MAP4: variants seen among roughly 807,000 people sequenced by gnomAD.
MAP4 encodes microtubule-associated protein 4.
A neutral mutation model predicts 170.2 loss-of-function variants in MAP4; 76 were observed. The ratio of observed to expected loss-of-function variants is 0.45; its 90% CI spans 0.37 to 0.54. The LOEUF (loss-of-function observed/expected upper bound fraction) is 0.54, where lower values mean the gene tolerates loss of function less well. Among genes scored for constraint, MAP4 ranks in the 20% least tolerant of loss-of-function variants. The probability of loss-of-function intolerance (pLI) is 0.00; values close to 1 mark genes in which losing one functional copy is unlikely to be tolerated. For missense variants in MAP4, 2,506 were observed against 2,748.0 expected, an observed-to-expected ratio of 0.91 and a Z score of 1.97; for synonymous variants, 909 against 994.5, an observed-to-expected ratio of 0.91 and a Z score of 1.62.
At chr3:47,959,784 C>T (rs1043625292) in intron 3 of MAP4, among the ~76,000 whole-genome samples, 2 of 150,332 alleles carry the variant, frequency 1.3e-5, no homozygotes, top group South Asian at 2.1e-4. Context: ...AATGTATATA[C>T]ATGAAGAACA....
At chr3:47,938,604 G>A (rs975496369) in intron 3 of MAP4, among the ~76,000 whole-genome samples, 6 of 152,038 alleles carry the variant, frequency 3.9e-5, no homozygotes, top group African/African-American at 1.4e-4. Context: ...GGCTGGCGTT[G>A]AACAACTGGG....
At chr3:47,853,007 G>A (rs1297244359) in intron 20 of MAP4, 69 bp from the exon 21 acceptor site, 9 of 1,614,208 alleles carry the variant, frequency 5.6e-6, no homozygotes, top group South Asian at 1.1e-5. Context: ...CGGGGGAGAC[G>A]GAAGACGAGA....
rs2149450735 is a variant in MAP4 at position 47,852,858 on chromosome 3, T to G, written c.*76A>C. On this transcript the variant is annotated 3_prime_UTR_variant, in exon 21 of 21. Coordinates refer to ENST00000683076, the MANE Select transcript of MAP4 (RefSeq NM_001385682.1). ...CCGAGTTGGGGCCGCCAGGGAAGTG[T>G]GGGGGGCGGGAGACAATGTCGGCCC... The G allele has an allele frequency of 1.3e-6, 2 of 1,564,682 alleles. No individual in the cohort carries two copies. Among genetic ancestry groups the G allele is most frequent in the Non-Finnish European group, 1.7e-6 (2 of 1,154,726 alleles).
intron 1 of MAP4, among the ~76,000 whole-genome samples, chr3:48,084,159 G>A (rs1193657788): frequency 2.7e-5 from 4 of 150,126 alleles, no homozygotes; most frequent in African/African-American, 9.8e-5. Flanking sequence ...GTGGTGAGCT[G>A]AGATCGCGCC....
chr3:47,872,684 A>C (rs1289053454), intron 12 of MAP4, among the ~76,000 whole-genome samples: 1 of 152,206 alleles, frequency 6.6e-6, no homozygotes, highest in Non-Finnish European at 1.5e-5. Context: ...GTGAGAATGA[A>C]CAGCCCTGAT....
intron 8 of MAP4, among the ~76,000 whole-genome samples, chr3:47,914,549 CAA>C (rs748273674): frequency 1.5e-4 from 9 of 60,056 alleles, no homozygotes; most frequent in Non-Finnish European, 1.0e-4. Flanking sequence ...GACTCTGTCT[CAA>C]AAAAAAAAAA....
chr3:47,961,672 G>A (rs993443800), intron 3 of MAP4, among the ~76,000 whole-genome samples: 3 of 152,140 alleles, frequency 2.0e-5, no homozygotes, highest in Admixed American at 6.5e-5. Context: ...TTAGTAGAGG[G>A]CATGGAAGGA....
chr3:48,054,233 G>A (rs764969227), intron 1 of MAP4, among the ~76,000 whole-genome samples: 51 of 152,034 alleles, frequency 3.4e-4, no homozygotes, highest in Non-Finnish European at 6.0e-4. Context: ...AGGAGGCGGA[G>A]ATCGCAGTGA....
At chr3:48,049,256 A>AT (rs1440866259) in intron 1 of MAP4, among the ~76,000 whole-genome samples, 2 of 152,252 alleles carry the variant, frequency 1.3e-5, no homozygotes, top group African/African-American at 2.4e-5. Flanking sequence ...TTAAGTGAAC[A>AT]TAAATTTTAT....
At chr3:47,947,770 C>A (rs1325253440) in intron 3 of MAP4, among the ~76,000 whole-genome samples, 8 of 142,004 alleles carry the variant, frequency 5.6e-5, no homozygotes, top group African/African-American at 2.1e-4. Context: ...AAGATCGCAC[C>A]ACTGCACTCC....
intron 2 of MAP4, among the ~76,000 whole-genome samples, chr3:47,996,207 T>C (rs2100095489): frequency 6.6e-6 from 1 of 152,078 alleles, no homozygotes; most frequent in African/African-American, 2.4e-5. Context: ...AGACCGGCTG[T>C]AGCTAGGGAA....
intron 10 of MAP4, among the ~76,000 whole-genome samples, chr3:47,888,133 G>T (rs2097919994): frequency 6.6e-6 from 1 of 152,194 alleles, no homozygotes; most frequent in Admixed American, 6.5e-5. Flanking sequence ...ATCTGATGGG[G>T]ACACGGAGAA....
At chr3:47,988,117 C>A (rs1229689235) in intron 2 of MAP4, among the ~76,000 whole-genome samples, 1 of 151,664 alleles carries the variant, frequency 6.6e-6, no homozygotes, top group Non-Finnish European at 1.5e-5. Flanking sequence ...TGGCGTGAAC[C>A]CGGGAGGCGG....
At chr3:47,877,305 A>G in intron 11 of MAP4, 112 bp downstream of exon 11, 1 of 787,906 alleles carries the variant, frequency 1.3e-6, no homozygotes, top group East Asian at 2.6e-5. Context: ...ATGAGGAAGG[A>G]CAATAACAGC....
chr3:47,880,187 C>T (rs1042466953), intron 10 of MAP4, among the ~76,000 whole-genome samples: 11 of 151,674 alleles, frequency 7.3e-5, no homozygotes, highest in Admixed American at 2.6e-4. Context: ...CTGCAAGCTC[C>T]GCCTCCTGCC....
At chr3:48,053,742 C>A (rs1451120111) in intron 1 of MAP4, among the ~76,000 whole-genome samples, 3 of 152,108 alleles carry the variant, frequency 2.0e-5, no homozygotes, top group African/African-American at 7.2e-5. Context: ...TATTGATGAT[C>A]TCCAGAATGT....
At position 47,909,598 on chromosome 3, in the gene MAP4, T is replaced by A. The variant is rs746679855; in HGVS notation, c.4823A>T (p.Asn1608Ile). The A allele has an allele frequency of 6.2e-7, 1 of 1,613,402 alleles. No homozygotes were observed. The highest frequency in any genetic ancestry group is 1.1e-5 in the South Asian group (1 of 91,082). Residue 1608 changes from asparagine to isoleucine, a missense_variant, in exon 9 of 21, where the codon AAT becomes ATT. By Grantham distance (149) the Asn-to-Ile change is moderately radical. Transcript: ENST00000683076. ...DRGNFPAHPV[N>I]EEKETKEGSV... is the part of the protein sequence containing the mutation. ...CCCTTCTTTAGTCTCTTTCTCTTCA[T>A]TCACTGGATGTGCTGGGAAATTACC...
At chr3:47,994,860 G>C (rs2100094439) in intron 2 of MAP4, among the ~76,000 whole-genome samples, 1 of 151,718 alleles carries the variant, frequency 6.6e-6, no homozygotes, top group Non-Finnish European at 1.5e-5. Flanking sequence ...GAGGCAGGAG[G>C]ATCGCTTGAA....
intron 1 of MAP4, among the ~76,000 whole-genome samples, chr3:48,040,844 C>T (rs1157476072): frequency 1.3e-5 from 2 of 152,042 alleles, no homozygotes; most frequent in Admixed American, 6.6e-5. Flanking sequence ...TAAAGGCGTG[C>T]GTGCGCCACC....
Sources: gnomAD v4.1 joint callset for allele counts (sites outside exome capture counted in the v4.1 genomes callset) on GRCh38, gnomAD v4.1.1 for gene constraint, MANE v1.5 for transcripts, NCBI Gene and HGNC (gene_info 2026-07-23, HGNC 2026-07-21) for gene names.